PRR5L: variants seen among roughly 807,000 people sequenced by gnomAD.
The protein encoded by PRR5L is proline rich 5 like.
PRR5L carries 21 observed loss-of-function variants against 36.4 expected under a neutral mutation model. The observed-to-expected ratio is 0.58, with a 90% confidence interval of 0.41 to 0.83. The LOEUF is 0.83. Among genes scored for constraint, PRR5L ranks in the 40% least tolerant of loss-of-function variants. The pLI, the probability that PRR5L is intolerant of heterozygous loss-of-function variation, is 0.00. For synonymous variants in PRR5L, 188 were observed against 197.0 expected, an observed-to-expected ratio of 0.95 and a Z score of 0.38; for missense variants, 381 against 473.3, an observed-to-expected ratio of 0.80 and a Z score of 1.81.
intron 1 of PRR5L, chr11:36,300,938 C>T (rs1856369139): frequency 6.6e-6 from 1 of 152,298 alleles, no homozygotes; most frequent in African/African-American, 2.4e-5. Flanking sequence ...TTTCTGTTCA[C>T]CCACTCAGCA....
chr11:36,346,087 CTT>C (rs1267500788), intron 1 of PRR5L, among the ~76,000 whole-genome samples: 3 of 152,022 alleles, frequency 2.0e-5, no homozygotes, highest in African/African-American at 7.2e-5. Context: ...GAGATGGGGC[CTT>C]ATCATCTTGG....
chr11:36,344,370 A>G lies in PRR5L; in HGVS notation c.-126+47932A>G, dbSNP rs934142114. Among the ~76,000 whole-genome samples, 4 of 152,298 alleles carry G rather than the reference A, an allele frequency of 2.6e-5. No homozygotes were observed. The highest frequency in any genetic ancestry group is 9.6e-5 in the African/African-American group (4 of 41,560). ...GCACATTTAGTTGAGATTGCACTGT[A>G]TTTACAGTTTTGTGTTTTGCTTCCT... On this transcript the variant is annotated intron_variant, in intron 1 of 8. Coordinates refer to ENST00000530639, the MANE Select transcript of PRR5L (RefSeq NM_001160167.2). The surrounding 1 kb of genome is among the most constrained non-coding windows in gnomAD (Gnocchi z 4.1).
intron 1 of PRR5L, among the ~76,000 whole-genome samples, chr11:36,330,904 C>G (rs985457644): frequency 3.3e-5 from 5 of 152,022 alleles, no homozygotes; most frequent in Admixed American, 3.3e-4. Context: ...CTCCTGGGTT[C>G]AAGTGATTCT....
intron 1 of PRR5L, among the ~76,000 whole-genome samples, chr11:36,383,193 C>T (rs1857400232): frequency 6.6e-6 from 1 of 152,188 alleles, no homozygotes; most frequent in Admixed American, 6.5e-5. Context: ...CTATAAAGTG[C>T]TGTGCAGATG....
rs779090715 is a variant in PRR5L at position 36,370,888 on chromosome 11, A to AAAAAC, written c.-125-30106_-125-30105insACAAA. ...AGTGGGAGACTCCATCTCAAAAAAAAAAACAAACAAAAGAAAGCAAACAAA... is the reference window on the plus strand; with the variant it reads ...AGTGGGAGACTCCATCTCAAAAAAAAAAAACAAACAAACAAAAGAAAGCAAACAAA... On this transcript the variant is annotated intron_variant, in intron 1 of 8. Coordinates refer to ENST00000530639, the MANE Select transcript of PRR5L (RefSeq NM_001160167.2). 4.8e-4 allele frequency among the ~76,000 whole-genome samples: 73 copies of AAAAAC among 151,674 alleles called. 2 individuals carry two copies. Among genetic ancestry groups the AAAAAC allele is most frequent in the Admixed American group, 1.2e-3 (19 of 15,228 alleles).
intron 1 of PRR5L, among the ~76,000 whole-genome samples, chr11:36,299,519 G>A (rs761613453): frequency 2.0e-5 from 3 of 152,290 alleles, no homozygotes; most frequent in East Asian, 1.9e-4. Flanking sequence ...CTGCATGATG[G>A]CCTCAGTGTC....
At chr11:36,316,752 G>A (rs1479450702) in intron 1 of PRR5L, among the ~76,000 whole-genome samples, 1 of 152,150 alleles carries the variant, frequency 6.6e-6, no homozygotes, top group East Asian at 1.9e-4. Context: ...TCCAGAGGCT[G>A]CATGACCCCT....
At chr11:36,345,663 C>G (rs1856858007) in intron 1 of PRR5L, among the ~76,000 whole-genome samples, 1 of 152,240 alleles carries the variant, frequency 6.6e-6, no homozygotes, top group Non-Finnish European at 1.5e-5. Context: ...TCCTCCTCCC[C>G]TGTTCCAAGG....
At chr11:36,458,217 G>C (rs932453325) in intron 8 of PRR5L, among the ~76,000 whole-genome samples, 2 of 152,118 alleles carry the variant, frequency 1.3e-5, no homozygotes, top group African/African-American at 4.8e-5. Context: ...GACTTCAGTG[G>C]GTGGGCTGCT....
chr11:36,379,996 C>G (rs762033772), intron 1 of PRR5L, among the ~76,000 whole-genome samples: 1 of 152,166 alleles, frequency 6.6e-6, no homozygotes, highest in Non-Finnish European at 1.5e-5. Flanking sequence ...CAGCCATGAA[C>G]TCAAGCGTCT....
At chr11:36,388,450 T>C (rs945892739) in intron 1 of PRR5L, among the ~76,000 whole-genome samples, 1 of 152,182 alleles carries the variant, frequency 6.6e-6, no homozygotes, top group East Asian at 1.9e-4. Context: ...CATTTTCATG[T>C]TTCTGAATTC....
chr11:36,440,030 A>T (rs919113408), intron 6 of PRR5L, among the ~76,000 whole-genome samples: 2 of 152,194 alleles, frequency 1.3e-5, no homozygotes, highest in African/African-American at 4.8e-5. Flanking sequence ...TCCTGGTAAC[A>T]AGCCAGTGCT....
chr11:36,401,142 C>T lies in PRR5L; in HGVS notation c.21C>T (p.Pro7=). Residue 7 remains proline (P), a synonymous_variant, in exon 2 of 9, where the codon CCC becomes CCT. Transcript: ENST00000530639. ...GACTTATGACCCGCGGCTTCGCTCC[C>T]ATTCTGCCCGTCGAGTTCCACAAGA... The part of the protein sequence containing the change: MTRGFA[P]ILPVEFHKMG... The T allele has an allele frequency of 6.2e-7, 1 of 1,614,202 alleles. No individual in the cohort carries two copies.
chr11:36,310,680 G>A (rs934475055), intron 1 of PRR5L, among the ~76,000 whole-genome samples: 2 of 152,118 alleles, frequency 1.3e-5, no homozygotes, highest in Non-Finnish European at 2.9e-5. Context: ...TATTTATACA[G>A]CAACTTCCTT....
chr11:36,316,289 C>T (rs1202601893), intron 1 of PRR5L, among the ~76,000 whole-genome samples: 1 of 152,144 alleles, frequency 6.6e-6, no homozygotes, highest in East Asian at 1.9e-4. Flanking sequence ...CTGTGGTTTG[C>T]CAGCTCCTTC....
chr11:36,355,736 AT>A (rs1470279709), intron 1 of PRR5L, among the ~76,000 whole-genome samples: 2 of 149,208 alleles, frequency 1.3e-5, no homozygotes, highest in South Asian at 4.2e-4. Context: ...TTTTTTTTTA[AT>A]TTTTTAGTAG....
chr11:36,296,769 A>G (rs1271057902), intron 1 of PRR5L, among the ~76,000 whole-genome samples: 3 of 152,198 alleles, frequency 2.0e-5, no homozygotes, highest in African/African-American at 7.2e-5. Context: ...TGTATTGCAT[A>G]TGTATACCTA....
rs756117244 is a variant in PRR5L at position 36,419,257 on chromosome 11, G to A, written c.248G>A (p.Arg83Gln). The A allele has an allele frequency of 2.4e-5, 38 of 1,613,824 alleles. No homozygotes were observed. The highest frequency in any genetic ancestry group is 3.1e-5 in the Non-Finnish European group (36 of 1,179,864). Residue 83 changes from arginine to glutamine, a missense_variant and splice_region_variant, in exon 4 of 9, where the codon CGG (arginine) becomes CAG (glutamine). Coordinates refer to ENST00000530639, the MANE Select transcript of PRR5L (RefSeq NM_001160167.2). ...ELYALNENIR[R>Q]LLKSELGSFI... ...TTTCTCTTCTCCCTTCTCCCCAGGC[G>A]GCTGTTGAAGAGTGAACTTGGATCA... is the stretch of plus-strand genomic sequence containing the variant.
intron 1 of PRR5L, among the ~76,000 whole-genome samples, chr11:36,357,127 A>AT (rs1857035987): frequency 2.6e-5 from 4 of 152,206 alleles, no homozygotes; most frequent in African/African-American, 9.6e-5. Flanking sequence ...GTTTGGATGG[A>AT]TGATCAAACC....
Sources: allele counts gnomAD v4.1 joint callset (sites outside exome capture counted in the v4.1 genomes callset), GRCh38; gene constraint gnomAD v4.1.1; non-coding constraint Gnocchi (gnomAD v3.1); transcripts MANE v1.5; gene names NCBI Gene and HGNC (gene_info 2026-07-23, HGNC 2026-07-21).